IL1RAP: variants seen among roughly 807,000 people sequenced by gnomAD.
IL1RAP encodes interleukin 1 receptor accessory protein, also known as interleukin-1 receptor accessory protein.
IL1RAP carries 35 observed loss-of-function variants against 60.7 expected under a neutral mutation model. The ratio of observed to expected loss-of-function variants is 0.58; its 90% CI spans 0.44 to 0.76. IL1RAP has a LOEUF of 0.76. IL1RAP is among the 30% of genes least tolerant of loss of function. The probability of loss-of-function intolerance (pLI) is 0.00; values close to 1 mark genes in which losing one functional copy is unlikely to be tolerated. For missense variants in IL1RAP, 572 were observed against 693.9 expected, an observed-to-expected ratio of 0.82 and a Z score of 1.97; for synonymous variants, 268 against 250.9, an observed-to-expected ratio of 1.07 and a Z score of -0.64.
At chr3:190,639,200 T>G (rs1733463536) in intron 9 of IL1RAP, among the ~76,000 whole-genome samples, 1 of 152,292 alleles carries the variant, frequency 6.6e-6, no homozygotes, top group Admixed American at 6.5e-5. Flanking sequence ...CATTTTCTTT[T>G]CAAATATGTC....
chr3:190,553,856 C>T (rs1342510516), intron 1 of IL1RAP, among the ~76,000 whole-genome samples: 1 of 151,582 alleles, frequency 6.6e-6, no homozygotes, highest in African/African-American at 2.4e-5. Flanking sequence ...GTCAGGAGAT[C>T]GAGACCATCC....
intron 1 of IL1RAP, among the ~76,000 whole-genome samples, chr3:190,539,431 C>T (rs1723743026): frequency 6.6e-6 from 1 of 152,074 alleles, no homozygotes; most frequent in Non-Finnish European, 1.5e-5. Flanking sequence ...CAGATTGTAA[C>T]AGACTTATAT....
chr3:190,592,142 C>T (rs1308111305), intron 3 of IL1RAP, among the ~76,000 whole-genome samples: 1 of 152,154 alleles, frequency 6.6e-6, no homozygotes, highest in Non-Finnish European at 1.5e-5. Context: ...ACCTCAGCTT[C>T]CCAAGTAGCT....
At chr3:190,579,814 T>C (rs1029323207) in intron 3 of IL1RAP, among the ~76,000 whole-genome samples, 1 of 152,192 alleles carries the variant, frequency 6.6e-6, no homozygotes, top group Non-Finnish European at 1.5e-5. Context: ...GGATATTTCA[T>C]ACAAGTGGGA....
chr3:190,545,438 T>C (rs1414099116), intron 1 of IL1RAP, among the ~76,000 whole-genome samples: 3 of 152,154 alleles, frequency 2.0e-5, no homozygotes, highest in Non-Finnish European at 4.4e-5. Context: ...TTATTTAAAA[T>C]TCCCAGGGCC....
chr3:190,606,783 A>G (rs1473220409), intron 4 of IL1RAP, among the ~76,000 whole-genome samples: 1 of 152,152 alleles, frequency 6.6e-6, no homozygotes, highest in Non-Finnish European at 1.5e-5. Flanking sequence ...GAAATGTCGA[A>G]TCTGAGAATG....
At chr3:190,580,722 C>G (rs1382882682) in intron 3 of IL1RAP, among the ~76,000 whole-genome samples, 1 of 152,144 alleles carries the variant, frequency 6.6e-6, no homozygotes, top group Non-Finnish European at 1.5e-5. Context: ...ATCTACTCTA[C>G]AGCTTAGTGC....
intron 5 of IL1RAP, among the ~76,000 whole-genome samples, chr3:190,611,489 G>A (rs1730821309): frequency 6.6e-6 from 1 of 152,164 alleles, no homozygotes; most frequent in African/African-American, 2.4e-5. Context: ...GGACTGTATA[G>A]ATTAAAAGAA....
intron 1 of IL1RAP, among the ~76,000 whole-genome samples, chr3:190,515,279 A>G (rs1405504800): frequency 6.6e-6 from 1 of 150,780 alleles, no homozygotes; most frequent in Non-Finnish European, 1.5e-5. Context: ...AATGGTCACA[A>G]TGAGCCCTTT....
At chr3:190,577,635 G>A (rs1038417716) in intron 3 of IL1RAP, among the ~76,000 whole-genome samples, 5 of 152,110 alleles carry the variant, frequency 3.3e-5, no homozygotes, top group Non-Finnish European at 7.4e-5. Context: ...TGCTCAAGAG[G>A]TTCTCTTGCC....
downstream of IL1RAP, chr3:190,655,859 A>G: frequency 6.8e-7 from 1 of 1,475,768 alleles, no homozygotes. Context: ...TTTTCACTAT[A>G]CATTGTCCTA....
At chr3:190,524,931 T>C (rs573459310) in intron 1 of IL1RAP, among the ~76,000 whole-genome samples, 2 of 152,252 alleles carry the variant, frequency 1.3e-5, no homozygotes, top group South Asian at 4.1e-4. Flanking sequence ...TGTATGTGTG[T>C]ATTTTTGGAG....
intron 3 of IL1RAP, among the ~76,000 whole-genome samples, chr3:190,599,111 T>C (rs1337601367): frequency 6.6e-6 from 1 of 152,178 alleles, no homozygotes; most frequent in Admixed American, 6.5e-5. Context: ...CAATCCCTAC[T>C]ACCTATACTG....
At chr3:190,639,614 A>C (rs1011073152) in intron 9 of IL1RAP, among the ~76,000 whole-genome samples, 1 of 152,142 alleles carries the variant, frequency 6.6e-6, no homozygotes, top group African/African-American at 2.4e-5. Flanking sequence ...TTGATTAGCT[A>C]TCTTTTTATT....
chr3:190,568,139 C>A (rs538768780), intron 3 of IL1RAP, among the ~76,000 whole-genome samples: 7 of 152,328 alleles, frequency 4.6e-5, no homozygotes, highest in Non-Finnish European at 8.8e-5. Flanking sequence ...AATGCAGGCA[C>A]ACACACGGAT....
At chr3:190,624,628 A>C (rs75141594) in intron 7 of IL1RAP, 4 of 166,534 alleles carry the variant, frequency 2.4e-5, no homozygotes, top group South Asian at 1.5e-4. Context: ...ATAAAAAAAA[A>C]AGGTGGAAAA....
Position 190,576,381 on chromosome 3 carries a change from T to TAC in IL1RAP, c.64+12029_64+12030insCA, listed in dbSNP as rs765058934. ...AGAATGCAAGGAGCTATTATATATA[T>TAC]ATACACACACACACACGCACATTTT... On this transcript the variant is annotated intron_variant, in intron 3 of 11. Coordinates refer to ENST00000447382, the MANE Select transcript of IL1RAP (RefSeq NM_002182.4). Among the ~76,000 whole-genome samples, 605 of 106,650 alleles carry TAC rather than the reference T, an allele frequency of 5.7e-3. 1 individual carries two copies. Among genetic ancestry groups the TAC allele is most frequent in the Middle Eastern group, 9.7e-3 (2 of 206 alleles). The allele number at this position is 106,650 out of a possible 152,430, so 70.0% of individuals were successfully genotyped here.
At chr3:190,532,483 C>T (rs928707150) in intron 1 of IL1RAP, among the ~76,000 whole-genome samples, 1 of 152,060 alleles carries the variant, frequency 6.6e-6, no homozygotes, top group African/African-American at 2.4e-5. Flanking sequence ...AGGATGTTCT[C>T]GATCTCCTGA....
intron 2 of IL1RAP, among the ~76,000 whole-genome samples, chr3:190,556,646 A>G (rs1725453709): frequency 6.6e-6 from 1 of 152,184 alleles, no homozygotes; most frequent in Non-Finnish European, 1.5e-5. Context: ...TCTTCTTTGA[A>G]ATATTTTGAC....
Sources: allele counts gnomAD v4.1 joint callset (sites outside exome capture counted in the v4.1 genomes callset), GRCh38; gene constraint gnomAD v4.1.1; transcripts MANE v1.5; gene names NCBI Gene and HGNC (gene_info 2026-07-23, HGNC 2026-07-21).